Variants in NFATC2 observed in about 807,000 individuals in gnomAD.
NFATC2 encodes the protein nuclear factor of activated T-cells, cytoplasmic 2.
NFATC2 carries 22 observed loss-of-function variants against 87.3 expected under a neutral mutation model. The observed-to-expected ratio is 0.25, with a 90% CI of 0.18 to 0.36. NFATC2 has a LOEUF of 0.36. NFATC2 is among the 10% of genes least tolerant of loss of function. The pLI, the probability that NFATC2 is intolerant of heterozygous loss-of-function variation, is 1.00. For synonymous variants in NFATC2, 565 were observed against 542.2 expected (o/e 1.04, Z -0.58); for missense variants, 1,149 against 1,259.1 (o/e 0.91, Z 1.32).
In NFATC2 at chr20:51,523,165, T is replaced by G; in HGVS notation, c.1076A>C (p.Glu359Ala). 1 of 1,614,194 alleles carries G rather than the reference T, an allele frequency of 6.2e-7. No homozygotes were observed. Among genetic ancestry groups the G allele is most frequent in the South Asian group, 1.1e-5 (1 of 91,090 alleles). ...VEFLGPCEQG[E>A]RRNSAPESIL... Reference sequence around the variant, plus strand: ...GGATTCTGGAGCCGAGTTTCTCCTCTCGCCCTGCTCGCAGGGCCCCAGGAA... The same window carrying G: ...GGATTCTGGAGCCGAGTTTCTCCTCGCGCCCTGCTCGCAGGGCCCCAGGAA... Residue 359 changes from glutamate to alanine, a missense_variant, in exon 2 of 11, where the codon GAG (glutamate) becomes GCG (alanine). Glu to Ala is a moderately radical substitution (Grantham distance 107, BLOSUM62 -1). Coordinates refer to ENST00000371564, the MANE Select transcript of NFATC2 (RefSeq NM_012340.5). The surrounding 1 kb of genome is among the most constrained non-coding windows in gnomAD (Gnocchi z 6.9).
chr20:51,400,539 G>T (rs996595381), intron 9 of NFATC2, among the ~76,000 whole-genome samples: 1 of 152,166 alleles, frequency 6.6e-6, no homozygotes, highest in Non-Finnish European at 1.5e-5. Context: ...CCTTCTCAGA[G>T]AAATAGAAAG....
intron 9 of NFATC2, among the ~76,000 whole-genome samples, chr20:51,415,848 TGTCA>T (rs1979970343): frequency 6.6e-6 from 1 of 152,206 alleles, no homozygotes; most frequent in South Asian, 2.1e-4. Flanking sequence ...TTGCCAATGT[TGTCA>T]GTCTCACAGG....
chr20:51,399,064 C>T (rs1473581712), intron 9 of NFATC2: 8 of 222,806 alleles, frequency 3.6e-5, no homozygotes, highest in African/African-American at 1.8e-4. Flanking sequence ...GAAAATTAAG[C>T]TGGTTTCTGC....
intron 1 of NFATC2, among the ~76,000 whole-genome samples, chr20:51,537,980 C>T (rs970566340): frequency 2.0e-5 from 3 of 152,186 alleles, no homozygotes; most frequent in African/African-American, 4.8e-5. Flanking sequence ...CCAATTCCCA[C>T]AGTATAGAGA....
upstream of NFATC2, chr20:51,562,718 C>G (rs1472956175): frequency 7.4e-7 from 1 of 1,345,940 alleles, no homozygotes; most frequent in Non-Finnish European, 1.0e-6. This position sits in a 1 kb window ranked among gnomAD's most constrained non-coding sequence, Gnocchi z 5.8. Flanking sequence ...TTCTCTACCG[C>G]GTGCCCGCGG....
Position 51,562,550 on chromosome 20 carries a change from A to T in NFATC2, c.70+10T>A, listed in dbSNP as rs1298888975. 6.5e-7 allele frequency: 1 copy of T among 1,549,208 alleles called. No individual in the cohort carries two copies. Among genetic ancestry groups the T allele is most frequent in the Non-Finnish European group, 8.7e-7 (1 of 1,145,144 alleles). ...GCGGAAAAGGCTGGAAGGGATCGAG[A>T]GTCAGTTACCTTGGTCCACAGACCC... is the stretch of plus-strand genomic sequence containing the variant. On this transcript the variant is annotated intron_variant, in intron 1 of 10. Coordinates refer to the NFATC2 transcript ENST00000414705. This position sits in a 1 kb window ranked among gnomAD's most constrained non-coding sequence, Gnocchi z 5.8.
At chr20:51,446,347 T>C (rs560326284) in intron 6 of NFATC2, among the ~76,000 whole-genome samples, 1 of 152,332 alleles carries the variant, frequency 6.6e-6, no homozygotes, top group African/African-American at 2.4e-5. Flanking sequence ...ACCTACTATG[T>C]GCCTGATACT....
chr20:51,396,213 T>C (rs990894062), intron 10 of NFATC2, among the ~76,000 whole-genome samples: 15 of 151,806 alleles, frequency 9.9e-5, no homozygotes, highest in Non-Finnish European at 1.5e-4. Context: ...CTTCTGTTAG[T>C]ATCCCATTCT....
At chr20:51,503,733 T>C (rs2076129602) in intron 3 of NFATC2, among the ~76,000 whole-genome samples, 1 of 152,242 alleles carries the variant, frequency 6.6e-6, no homozygotes, top group Non-Finnish European at 1.5e-5. Flanking sequence ...TTCAGGCTGC[T>C]GTAGCCAAAC....
intron 9 of NFATC2, among the ~76,000 whole-genome samples, chr20:51,427,984 C>T (rs955541304): frequency 3.3e-5 from 5 of 152,172 alleles, no homozygotes; most frequent in African/African-American, 4.8e-5. Context: ...CTTAGTGGAT[C>T]CCTAAGTCCC....
At chr20:51,466,864 G>A (rs1987734937) in intron 5 of NFATC2, among the ~76,000 whole-genome samples, 1 of 152,156 alleles carries the variant, frequency 6.6e-6, no homozygotes, top group African/African-American at 2.4e-5. Context: ...CTGAGGTCAG[G>A]AGTTCAAGAC....
At chr20:51,535,014 C>T (rs1251067876) in intron 1 of NFATC2, among the ~76,000 whole-genome samples, 2 of 152,158 alleles carry the variant, frequency 1.3e-5, no homozygotes, top group Non-Finnish European at 2.9e-5. Flanking sequence ...GAACTCCCTC[C>T]GTTTTTAAAG....
chr20:51,422,754 C>G (rs1283840702), intron 9 of NFATC2, among the ~76,000 whole-genome samples: 1 of 152,138 alleles, frequency 6.6e-6, no homozygotes, highest in Non-Finnish European at 1.5e-5. Flanking sequence ...AGGGGGCTTT[C>G]ATTTGTTCTT....
intron 3 of NFATC2, among the ~76,000 whole-genome samples, chr20:51,514,048 G>T (rs6096455): frequency 6.6e-6 from 1 of 152,200 alleles, no homozygotes; most frequent in East Asian, 1.9e-4. Context: ...TGCATCATAA[G>T]GCTCTTTTGA....
intron 5 of NFATC2, among the ~76,000 whole-genome samples, chr20:51,457,614 GA>G (rs1986695023): frequency 6.6e-6 from 1 of 150,984 alleles, no homozygotes; most frequent in Admixed American, 6.6e-5. Context: ...AAAATTTAAA[GA>G]GACAGAAAAA....
rs760861903 is a variant in NFATC2, at chr20:51,523,404, G to C, written c.837C>G (p.Pro279=). The C allele has an allele frequency of 2.5e-6, 4 of 1,609,000 alleles. No homozygotes were observed. The highest frequency in any genetic ancestry group is 2.5e-6 in the Non-Finnish European group (3 of 1,177,470). ...GGTCCTGGGGTGCCACGTGAGATGA[G>C]GGCTGCGGCGAGGGGCTCCGGGAGC... ...PQRSRSPSPQ[P]SSHVAPQDHG... is the part of the protein sequence containing the mutation. The change falls in exon 2 of 11, where the codon CCC becomes CCG. Residue 279 remains proline (P), a synonymous_variant. Coordinates refer to ENST00000371564, the MANE Select transcript of NFATC2 (RefSeq NM_012340.5). This position sits in a 1 kb window ranked among gnomAD's most constrained non-coding sequence, Gnocchi z 6.9.
At chr20:51,493,321 G>A (rs746713968) in intron 3 of NFATC2, among the ~76,000 whole-genome samples, 5 of 152,156 alleles carry the variant, frequency 3.3e-5, no homozygotes, top group Non-Finnish European at 7.3e-5. Context: ...CATAGTAAGC[G>A]CTCAGTAAAC....
At chr20:51,486,746 G>A (rs1989741993) in intron 3 of NFATC2, among the ~76,000 whole-genome samples, 1 of 152,086 alleles carries the variant, frequency 6.6e-6, no homozygotes. Context: ...ATATTGCCGA[G>A]TGATTCATTC....
At chr20:51,561,381 G>A (rs1316245249) in intron 1 of NFATC2, among the ~76,000 whole-genome samples, 4 of 122,084 alleles carry the variant, frequency 3.3e-5, no homozygotes, top group East Asian at 2.4e-4. Flanking sequence ...AGAGAGAAAA[G>A]AAAGAAAGAA....
Sources: allele counts gnomAD v4.1 joint callset (sites outside exome capture counted in the v4.1 genomes callset), GRCh38; gene constraint gnomAD v4.1.1; non-coding constraint Gnocchi (gnomAD v3.1); transcripts MANE v1.5; gene names NCBI Gene and HGNC (gene_info 2026-07-23, HGNC 2026-07-21).